PDZD2: variants seen among roughly 807,000 people sequenced by gnomAD.
The protein encoded by PDZD2 is PDZ domain-containing protein 2.
In PDZD2, 90 loss-of-function variants were observed where a neutral mutation model predicts 220.7. The ratio of observed to expected loss-of-function variants is 0.41; its 90% CI spans 0.34 to 0.49. The LOEUF is 0.49. Among genes scored for constraint, PDZD2 ranks in the 20% least tolerant of loss-of-function variants. The pLI is 0.28. For missense variants in PDZD2, 3,174 were observed against 3,608.5 expected (o/e 0.88, Z 3.08); for synonymous variants, 1,375 against 1,450.5 (o/e 0.95, Z 1.18).
chr5:31,981,502 T>C (rs1197303854), intron 2 of PDZD2, among the ~76,000 whole-genome samples: 1 of 152,196 alleles, frequency 6.6e-6, no homozygotes, highest in African/African-American at 2.4e-5. Flanking sequence ...CTCCTTCCAA[T>C]GTAATGTAAT....
chr5:32,002,940 CGAA>C (rs1561314635), intron 5 of PDZD2, among the ~76,000 whole-genome samples: 1 of 108,788 alleles, frequency 9.2e-6, no homozygotes, highest in Non-Finnish European at 1.9e-5. Flanking sequence ...TCACACACCA[CGAA>C]CACACACACA....
chr5:32,003,375 ACACACACACC>A (rs1474094758), intron 5 of PDZD2, among the ~76,000 whole-genome samples: 2 of 49,734 alleles, frequency 4.0e-5, no homozygotes, highest in Admixed American at 2.4e-4. Flanking sequence ...CACACACACC[ACACACACACC>A]CACACACACC....
rs913451561 is a variant in PDZD2 at position 31,936,416 on chromosome 5, A to G, written c.477-46739A>G. ...CTGAACACAACTTACAGGTCTTCCA[A>G]GGGTTTATTATTTTTTAATTATATG... On this transcript the variant is annotated intron_variant, in intron 2 of 24. Coordinates refer to ENST00000438447, the MANE Select transcript of PDZD2 (RefSeq NM_178140.4). The G allele has an allele frequency of 1.1e-5, 9 of 836,608 alleles. No individual in the cohort carries two copies. In the African/African-American group the frequency reaches 1.5e-4, roughly 14 times the overall value. The allele number at this position is 836,608 out of a possible 1,614,324, so 51.8% of individuals were successfully genotyped here. A position where few individuals can be genotyped will look rare whatever the true frequency, so the allele number is the denominator to read the frequency against.
intron 1 of PDZD2, among the ~76,000 whole-genome samples, chr5:31,792,836 T>A (rs2150222439): frequency 6.6e-6 from 1 of 151,514 alleles, no homozygotes; most frequent in Non-Finnish European, 1.5e-5. Flanking sequence ...AATTTAATTT[T>A]ATTATTATTA....
chr5:31,805,667 TA>T (rs1248574477), intron 2 of PDZD2, among the ~76,000 whole-genome samples: 1 of 152,202 alleles, frequency 6.6e-6, no homozygotes, highest in Non-Finnish European at 1.5e-5. Context: ...AAAACTACCT[TA>T]GATGATGTTA....
chr5:31,775,598 C>T (rs1752594787), intron 1 of PDZD2, among the ~76,000 whole-genome samples: 1 of 151,246 alleles, frequency 6.6e-6, no homozygotes, highest in Admixed American at 6.6e-5. Flanking sequence ...TCCATGTTTT[C>T]CTTGTTGAAT....
chr5:32,052,270 T>C (rs1053654949), intron 8 of PDZD2, among the ~76,000 whole-genome samples: 3 of 152,148 alleles, frequency 2.0e-5, no homozygotes, highest in African/African-American at 7.2e-5. Context: ...CTCAGCCTCC[T>C]GAGTAGCTGG....
chr5:31,745,316 C>T (rs900504235), intron 1 of PDZD2, among the ~76,000 whole-genome samples: 11 of 152,160 alleles, frequency 7.2e-5, no homozygotes, highest in Admixed American at 1.3e-4. Flanking sequence ...CACACCTCTT[C>T]GTATGTGTGG....
Position 31,983,397 on chromosome 5 carries a change from G to T in PDZD2, c.719G>T (p.Cys240Phe). Residue 240 changes from cysteine to phenylalanine, a missense_variant, in exon 3 of 25, where the codon TGT (cysteine) becomes TTT (phenylalanine). Cys to Phe is a radical substitution (Grantham distance 205). Transcript: ENST00000438447. ...GAAGAATCCAAGGGCAGCGCTGGCTGTGAGGTGTCCAGTGACCCCAGCACT... is the reference window on the plus strand; with the variant it reads ...GAAGAATCCAAGGGCAGCGCTGGCTTTGAGGTGTCCAGTGACCCCAGCACT... Reference protein sequence around the residue: ...APEESKGSAGCEVSSDPSTEL... With the variant: ...APEESKGSAGFEVSSDPSTEL... The T allele has an allele frequency of 1.2e-6, 2 of 1,614,226 alleles. No individual in the cohort carries two copies. Among genetic ancestry groups the T allele is most frequent in the Non-Finnish European group, 1.7e-6 (2 of 1,180,044 alleles).
chr5:31,972,745 G>A (rs1399068985), intron 2 of PDZD2, among the ~76,000 whole-genome samples: 2 of 152,228 alleles, frequency 1.3e-5, no homozygotes, highest in African/African-American at 2.4e-5. Flanking sequence ...GTTCCCTGAT[G>A]AGGTGAGACT....
chr5:31,930,740 A>T (rs542366389), intron 2 of PDZD2, among the ~76,000 whole-genome samples: 7 of 152,276 alleles, frequency 4.6e-5, no homozygotes, highest in Admixed American at 6.5e-5. Context: ...GACTCAGTAC[A>T]GCAGAAGGGG....
At chr5:31,830,332 A>T (rs1580843204) in intron 2 of PDZD2, among the ~76,000 whole-genome samples, 1 of 123,734 alleles carries the variant, frequency 8.1e-6, no homozygotes, top group African/African-American at 3.3e-5. Flanking sequence ...CGCCCAGCTA[A>T]TTTTTTTTTT....
intron 19 of PDZD2, among the ~76,000 whole-genome samples, chr5:32,079,278 AAC>A (rs1741674396): frequency 1.4e-5 from 2 of 146,170 alleles, no homozygotes; most frequent in Admixed American, 6.7e-5. Context: ...ACAAAAAAAA[AAC>A]AAAAAAAAAA....
chr5:31,785,810 C>T (rs1457786958), intron 1 of PDZD2, among the ~76,000 whole-genome samples: 2 of 152,056 alleles, frequency 1.3e-5, no homozygotes, highest in African/African-American at 4.8e-5. Flanking sequence ...GATCCAACCT[C>T]ATCATTTCCC....
rs1030715033 is a variant in PDZD2 at position 31,644,456 on chromosome 5, G to A, written c.-361+5019G>A. Among the ~76,000 whole-genome samples the A allele has an allele frequency of 2.0e-5, 3 of 152,314 alleles. No individual in the cohort carries two copies. The East Asian group carries it at 5.8e-4, about 29-fold the overall frequency. ...TACAAATGTGTTCAAGAAGACACTG[G>A]GAGCATTTACAATTTGAAAACTTAA... On this transcript the variant is annotated intron_variant, in intron 1 of 24. Transcript: ENST00000438447.
intron 6 of PDZD2, among the ~76,000 whole-genome samples, chr5:32,023,682 TAA>T (rs1754402384): frequency 6.6e-6 from 1 of 152,150 alleles, no homozygotes; most frequent in Non-Finnish European, 1.5e-5. Flanking sequence ...TTTCACTTAC[TAA>T]GTCATATTTT....
intron 2 of PDZD2, among the ~76,000 whole-genome samples, chr5:31,863,033 G>A (rs1455180144): frequency 1.3e-5 from 2 of 152,070 alleles, no homozygotes; most frequent in Non-Finnish European, 2.9e-5. Flanking sequence ...CGTGAGCCAT[G>A]GCGCCCAGCC....
At chr5:31,784,958 G>A (rs1471500981) in intron 1 of PDZD2, among the ~76,000 whole-genome samples, 1 of 152,034 alleles carries the variant, frequency 6.6e-6, no homozygotes, top group Non-Finnish European at 1.5e-5. Context: ...GTAGTGGGGA[G>A]TCTTGGCTAA....
At position 31,691,385 on chromosome 5, in the gene PDZD2, G is replaced by A. The variant is rs1247298298; in HGVS notation, c.-361+51948G>A. On this transcript the variant is annotated intron_variant, in intron 1 of 24. Transcript: ENST00000438447. ...GCAGTAGCAAGATTTATTGCACAGA[G>A]CGAAAGAACAAAGCTCCCGTAGAGT... is the stretch of plus-strand genomic sequence containing the variant. Among the ~76,000 whole-genome samples the A allele has an allele frequency of 3.7e-5, 5 of 136,876 alleles. No individual in the cohort carries two copies. The East Asian group carries it at 7.7e-4, about 21-fold the overall frequency. The allele number at this position is 136,876 out of a possible 152,430, so 89.8% of individuals were successfully genotyped here.
Sources: gnomAD v4.1 joint callset for allele counts (sites outside exome capture counted in the v4.1 genomes callset) on GRCh38, gnomAD v4.1.1 for gene constraint, MANE v1.5 for transcripts, NCBI Gene and HGNC (gene_info 2026-07-23, HGNC 2026-07-21) for gene names.